CEP112: variants seen among roughly 807,000 people sequenced by gnomAD.
The protein encoded by CEP112 is centrosomal protein of 112 kDa.
CEP112 carries 127 observed loss-of-function variants against 153.0 expected under a neutral mutation model. That is an observed-to-expected ratio of 0.83 (90% CI 0.72 to 0.96). CEP112 has a LOEUF of 0.96. CEP112 is among the 40% of genes least tolerant of loss of function. CEP112 has a pLI of 0.00. For missense variants in CEP112, 1,089 were observed against 1,101.2 expected (o/e 0.99, Z 0.16); for synonymous variants, 358 against 374.4 (o/e 0.96, Z 0.51).
At chr17:65,758,111 T>C (rs1308525478) in intron 21 of CEP112, among the ~76,000 whole-genome samples, 1 of 152,154 alleles carries the variant, frequency 6.6e-6, no homozygotes, top group South Asian at 2.1e-4. Flanking sequence ...TACAGGTACA[T>C]GACACTGCCC....
intron 8 of CEP112, among the ~76,000 whole-genome samples, chr17:66,071,065 T>C (rs1456285769): frequency 6.6e-6 from 1 of 152,222 alleles, no homozygotes; most frequent in African/African-American, 2.4e-5. Flanking sequence ...ATATTATTAA[T>C]GTACCTTCAA....
chr17:66,190,812 T>TG (rs1310719744), intron 1 of CEP112, among the ~76,000 whole-genome samples: 1 of 152,064 alleles, frequency 6.6e-6, no homozygotes, highest in Non-Finnish European at 1.5e-5. Context: ...TTAAAAGGTC[T>TG]GGGAAAAAAA....
At chr17:65,660,289 C>T (rs1259115331) in intron 24 of CEP112, among the ~76,000 whole-genome samples, 2 of 132,766 alleles carry the variant, frequency 1.5e-5, no homozygotes, top group Non-Finnish European at 3.2e-5. Flanking sequence ...CTTCCTTCCT[C>T]CCTCCTTCTC....
chr17:66,039,027 G>C (rs1471609089), intron 12 of CEP112, among the ~76,000 whole-genome samples: 1 of 152,088 alleles, frequency 6.6e-6, no homozygotes, highest in Non-Finnish European at 1.5e-5. Flanking sequence ...TAAAATGGAT[G>C]ATTCTGTAAC....
chr17:66,185,490 G>T (rs1250051745), intron 1 of CEP112, among the ~76,000 whole-genome samples: 1 of 152,128 alleles, frequency 6.6e-6, no homozygotes, highest in South Asian at 2.1e-4. Context: ...CAAAGTGCTG[G>T]CATTACAGGC....
At chr17:66,176,745 AG>A in intron 3 of CEP112, 84 bp downstream of exon 3, 1 of 1,006,062 alleles carries the variant, frequency 9.9e-7, no homozygotes, top group Non-Finnish European at 1.5e-6. Flanking sequence ...ACAACCTAAT[AG>A]TATTACCATT....
At chr17:65,671,413 T>A (rs960389048) in intron 24 of CEP112, among the ~76,000 whole-genome samples, 1 of 152,154 alleles carries the variant, frequency 6.6e-6, no homozygotes, top group Non-Finnish European at 1.5e-5. Context: ...AAAAGTCTCT[T>A]TGTGACTGAT....
intron 23 of CEP112, among the ~76,000 whole-genome samples, chr17:65,733,700 A>G (rs2050641015): frequency 6.6e-6 from 1 of 152,190 alleles, no homozygotes; most frequent in Non-Finnish European, 1.5e-5. Flanking sequence ...AATAAATGAC[A>G]CTATTTGTTA....
At chr17:65,970,386 TA>T (rs1568313720) in intron 17 of CEP112, among the ~76,000 whole-genome samples, 2 of 61,460 alleles carry the variant, frequency 3.3e-5, no homozygotes, top group African/African-American at 8.7e-5. Context: ...ATCATGCATA[TA>T]TATTACATGC....
intron 21 of CEP112, among the ~76,000 whole-genome samples, chr17:65,833,351 G>T (rs1489509071): frequency 6.6e-6 from 1 of 152,118 alleles, no homozygotes; most frequent in Admixed American, 6.5e-5. Context: ...GGAAGTCCTA[G>T]CCAGAGCAAT....
At chr17:65,885,338 G>A (rs1241788285) in intron 20 of CEP112, among the ~76,000 whole-genome samples, 1 of 152,072 alleles carries the variant, frequency 6.6e-6, no homozygotes, top group Non-Finnish European at 1.5e-5. Context: ...CTATTTGGCT[G>A]AAGATAATAT....
chr17:65,664,418 A>G (rs1360122914), intron 24 of CEP112, among the ~76,000 whole-genome samples: 3 of 152,230 alleles, frequency 2.0e-5, no homozygotes, highest in Admixed American at 1.3e-4. Context: ...GAGAGATCCA[A>G]TAAGTGAGTG....
intron 12 of CEP112, among the ~76,000 whole-genome samples, chr17:66,048,083 ATTG>A (rs2066285328): frequency 6.7e-6 from 1 of 149,064 alleles, no homozygotes; most frequent in Admixed American, 7.0e-5. Flanking sequence ...TATTATTTCT[ATTG>A]TTGTATCATT....
At chr17:65,656,783 G>A (rs2046084365) in intron 24 of CEP112, among the ~76,000 whole-genome samples, 1 of 152,178 alleles carries the variant, frequency 6.6e-6, no homozygotes, top group Non-Finnish European at 1.5e-5. Flanking sequence ...ATTTAGCATG[G>A]TGCCTGGCAT....
intron 21 of CEP112, among the ~76,000 whole-genome samples, chr17:65,836,379 T>C (rs1023880027): frequency 1.3e-5 from 2 of 152,208 alleles, no homozygotes; most frequent in African/African-American, 4.8e-5. Flanking sequence ...GATTCAACTG[T>C]ACGCTGTCTT....
At chr17:65,928,779 G>A (rs2061020632) in intron 18 of CEP112, among the ~76,000 whole-genome samples, 3 of 152,098 alleles carry the variant, frequency 2.0e-5, no homozygotes, top group South Asian at 2.1e-4. Flanking sequence ...CAGCAGGATC[G>A]CTTAAGCCCC....
intron 21 of CEP112, among the ~76,000 whole-genome samples, chr17:65,822,161 C>A (rs1047090054): frequency 2.6e-5 from 4 of 151,590 alleles, no homozygotes; most frequent in Non-Finnish European, 5.9e-5. Flanking sequence ...CATCCTACTA[C>A]AGTAGGATGA....
chr17:65,728,682 C>A (rs1199887596), intron 23 of CEP112, among the ~76,000 whole-genome samples: 1 of 151,930 alleles, frequency 6.6e-6, no homozygotes, highest in Non-Finnish European at 1.5e-5. Flanking sequence ...GCACTATAGG[C>A]AATTATATAA....
intron 8 of CEP112, among the ~76,000 whole-genome samples, chr17:66,084,309 G>A (rs1395799634): frequency 6.6e-6 from 1 of 152,030 alleles, no homozygotes; most frequent in Non-Finnish European, 1.5e-5. Flanking sequence ...CCACTCCAAG[G>A]TATATACTCC....
Sources: gnomAD v4.1 joint callset for allele counts (sites outside exome capture counted in the v4.1 genomes callset) on GRCh38, gnomAD v4.1.1 for gene constraint, MANE v1.5 for transcripts, NCBI Gene and HGNC (gene_info 2026-07-23, HGNC 2026-07-21) for gene names.